GALNT13: variants seen among roughly 807,000 people sequenced by gnomAD.
The protein encoded by GALNT13 is polypeptide N-acetylgalactosaminyltransferase 13.
GALNT13 carries 28 observed loss-of-function variants against 64.2 expected under a neutral mutation model. The ratio of observed to expected loss-of-function variants is 0.44; its 90% CI spans 0.32 to 0.60. GALNT13 has a LOEUF of 0.60. Among genes scored for constraint, GALNT13 ranks in the 20% least tolerant of loss-of-function variants. GALNT13 has a pLI of 0.05. For synonymous variants in GALNT13, 214 were observed against 224.6 expected (o/e 0.95, Z 0.42); for missense variants, 577 against 669.8 (o/e 0.86, Z 1.53).
chr2:153,482,504 C>G, the GALNT13 span, among the ~76,000 whole-genome samples: 1 of 152,188 alleles, frequency 6.6e-6, no homozygotes, highest in Non-Finnish European at 1.5e-5. Flanking sequence ...GTGTCTCGCT[C>G]TGTTGCCCAG....
At chr2:153,124,500 T>TTTTGTTTGTTTG in the GALNT13 span, among the ~76,000 whole-genome samples, 2 of 152,014 alleles carry the variant, frequency 1.3e-5, no homozygotes, top group African/African-American at 4.8e-5. Flanking sequence ...GCTCGCTTTG[T>TTTTGTTTGTTTG]TTTGTTTGTT....
chr2:154,164,557 T>C (rs1420362182), intron 4 of GALNT13, among the ~76,000 whole-genome samples: 1 of 152,026 alleles, frequency 6.6e-6, no homozygotes, highest in Admixed American at 6.6e-5. Context: ...AAACAACATA[T>C]ATAGGATGTG....
intron 3 of GALNT13, among the ~76,000 whole-genome samples, chr2:154,069,704 G>A (rs1700646565): frequency 6.6e-6 from 1 of 152,000 alleles, no homozygotes; most frequent in Non-Finnish European, 1.5e-5. Flanking sequence ...TATGGGATTT[G>A]CACAAGGATC....
the GALNT13 span, among the ~76,000 whole-genome samples, chr2:153,638,458 T>A: frequency 4.7e-5 from 1 of 21,056 alleles, no homozygotes; most frequent in Non-Finnish European, 1.3e-4. Context: ...AAAAAAGTAG[T>A]ACAGTTAAGG....
At chr2:153,378,808 T>C in the GALNT13 span, among the ~76,000 whole-genome samples, 1 of 152,168 alleles carries the variant, frequency 6.6e-6, no homozygotes, top group Non-Finnish European at 1.5e-5. Flanking sequence ...TGTAATGTGT[T>C]AGTTTGGAAG....
At chr2:154,413,289 G>A (rs1475269680) in intron 11 of GALNT13, among the ~76,000 whole-genome samples, 1 of 151,854 alleles carries the variant, frequency 6.6e-6, no homozygotes, top group Middle Eastern at 3.2e-3. Context: ...TACTTCTGAA[G>A]TCCGATTAGT....
chr2:154,438,862 C>T lies in GALNT13; in HGVS notation c.1530+136C>T, dbSNP rs75862398. On this transcript the variant is annotated intron_variant, in intron 12 of 12. Coordinates refer to ENST00000392825, the MANE Select transcript of GALNT13 (RefSeq NM_052917.4). The stretch of plus-strand genomic sequence containing the variant: ...ATTTTCAAGCATGCAGGCTCATATC[C>T]GGTAATATTAGGATGGCATATCATA... The T allele has an allele frequency of 5.4e-5, 36 of 663,086 alleles. No homozygotes were observed. The African/African-American group carries it at 5.5e-4, about 10-fold the overall frequency. The allele number at this position is 663,086 out of a possible 1,614,324, so 41.1% of individuals were successfully genotyped here.
the GALNT13 span, among the ~76,000 whole-genome samples, chr2:153,492,966 AAATT>A: frequency 6.6e-6 from 1 of 152,294 alleles, no homozygotes; most frequent in Non-Finnish European, 1.5e-5. Context: ...GAAAAAAAGA[AAATT>A]AAATGCTCAA....
chr2:154,064,503 G>A (rs1011240454), intron 3 of GALNT13, among the ~76,000 whole-genome samples: 1 of 152,110 alleles, frequency 6.6e-6, no homozygotes, highest in Non-Finnish European at 1.5e-5. Flanking sequence ...AGAGGGAAGA[G>A]TAAAGAGTAC....
At chr2:153,955,404 A>G (rs1407416292) in intron 3 of GALNT13, among the ~76,000 whole-genome samples, 2 of 152,158 alleles carry the variant, frequency 1.3e-5, no homozygotes, top group Admixed American at 1.3e-4. Context: ...ATTGGAAGGG[A>G]AGAGATAGCA....
chr2:153,711,795 T>G, the GALNT13 span, among the ~76,000 whole-genome samples: 1 of 152,168 alleles, frequency 6.6e-6, no homozygotes, highest in Non-Finnish European at 1.5e-5. Flanking sequence ...TATTATCAGT[T>G]GTTGCTGCAA....
chr2:153,662,244 C>T, the GALNT13 span, among the ~76,000 whole-genome samples: 3 of 152,160 alleles, frequency 2.0e-5, no homozygotes, highest in Non-Finnish European at 4.4e-5. Flanking sequence ...TGGGATAACT[C>T]TAAAGGGCTA....
chr2:154,446,834 A>G (rs1032484617), intron 12 of GALNT13: 1 of 1,393,766 alleles, frequency 7.2e-7, no homozygotes, highest in African/African-American at 1.5e-5. Context: ...AAATCTGGAA[A>G]CTCCTTTAAA....
chr2:153,707,276 T>G, the GALNT13 span, among the ~76,000 whole-genome samples: 4 of 152,212 alleles, frequency 2.6e-5, no homozygotes, highest in Non-Finnish European at 4.4e-5. Context: ...ATGTCTTGGT[T>G]TCTAGAATAG....
chr2:153,455,055 AGT>A, the GALNT13 span, among the ~76,000 whole-genome samples: 1 of 152,338 alleles, frequency 6.6e-6, no homozygotes, highest in South Asian at 2.1e-4. Flanking sequence ...ATAACCTGAA[AGT>A]GAATAAGTGT....
intron 3 of GALNT13, among the ~76,000 whole-genome samples, chr2:154,098,362 C>T (rs1435598537): frequency 2.0e-5 from 3 of 151,676 alleles, no homozygotes; most frequent in African/African-American, 7.3e-5. Context: ...TCTTCGTACT[C>T]TTTTCTTACC....
chr2:153,089,055 T>C, the GALNT13 span, among the ~76,000 whole-genome samples: 2 of 152,306 alleles, frequency 1.3e-5, no homozygotes, highest in South Asian at 4.1e-4. Context: ...CATTGTGTTA[T>C]TGTTTTATAG....
chr2:153,469,057 T>C, the GALNT13 span, among the ~76,000 whole-genome samples: 1 of 152,118 alleles, frequency 6.6e-6, no homozygotes, highest in Non-Finnish European at 1.5e-5. Context: ...TTGGAAGTTA[T>C]TTGTTTTCGT....
At chr2:154,141,592 T>C (rs1194687974) in intron 4 of GALNT13, among the ~76,000 whole-genome samples, 1 of 152,204 alleles carries the variant, frequency 6.6e-6, no homozygotes, top group Non-Finnish European at 1.5e-5. Context: ...TATAATCTTA[T>C]GAGACTCTCA....
Sources: allele counts gnomAD v4.1 joint callset (sites outside exome capture counted in the v4.1 genomes callset), GRCh38; gene constraint gnomAD v4.1.1; transcripts MANE v1.5; gene names NCBI Gene and HGNC (gene_info 2026-07-23, HGNC 2026-07-21).